The following ATP8B4 variants were observed in gnomAD, a reference collection of about 807,000 sequenced individuals.
ATP8B4 encodes ATPase phospholipid transporting 8B4 (putative), also known as probable phospholipid-transporting ATPase IM.
A neutral mutation model predicts 145.6 loss-of-function variants in ATP8B4; 133 were observed. The ratio of observed to expected loss-of-function variants is 0.91; its 90% CI spans 0.79 to 1.05. The LOEUF (loss-of-function observed/expected upper bound fraction) is 1.05, where lower values mean the gene tolerates loss of function less well. Among genes scored for constraint, ATP8B4 ranks in the 50% least tolerant of loss-of-function variants. The pLI is 0.00. For synonymous variants in ATP8B4, 507 were observed against 492.9 expected (o/e 1.03, Z -0.38); for missense variants, 1,458 against 1,425.2 (o/e 1.02, Z -0.37).
At chr15:50,159,841 A>G (rs538214504) in intron 1 of ATP8B4, among the ~76,000 whole-genome samples, 8 of 152,294 alleles carry the variant, frequency 5.3e-5, no homozygotes, top group African/African-American at 1.7e-4. Flanking sequence ...GTCATGATGA[A>G]TGATCTTTTT....
At chr15:50,104,318 C>T (rs10083646) in intron 2 of ATP8B4, among the ~76,000 whole-genome samples, 8,046 of 151,850 alleles carry the variant, frequency 0.053, 739 homozygotes, top group African/African-American at 0.19. Flanking sequence ...AAAATCTTCA[C>T]AATCTATACA....
chr15:49,981,622 A>C (rs767497119), intron 10 of ATP8B4, among the ~76,000 whole-genome samples: 1 of 152,200 alleles, frequency 6.6e-6, no homozygotes, highest in Non-Finnish European at 1.5e-5. Context: ...AAGTCAACAA[A>C]AGTGAGGAAT....
chr15:49,982,985 C>A (rs1361671414), intron 10 of ATP8B4, among the ~76,000 whole-genome samples: 1 of 152,124 alleles, frequency 6.6e-6, no homozygotes, highest in Non-Finnish European at 1.5e-5. Context: ...CTTCCTACCT[C>A]TTTGGTAGCT....
At chr15:49,885,421 A>T (rs2036069339) in intron 23 of ATP8B4, among the ~76,000 whole-genome samples, 1 of 152,196 alleles carries the variant, frequency 6.6e-6, no homozygotes, top group Non-Finnish European at 1.5e-5. Context: ...ATCTGTCTTC[A>T]TCCCACTAGA....
chr15:49,900,097 G>A (rs970540099), intron 21 of ATP8B4, among the ~76,000 whole-genome samples: 5 of 152,148 alleles, frequency 3.3e-5, no homozygotes, highest in East Asian at 3.8e-4. Flanking sequence ...GATGACAGTC[G>A]TAATTTTCAG....
intron 1 of ATP8B4, among the ~76,000 whole-genome samples, chr15:50,158,144 G>A (rs1404246863): frequency 3.9e-5 from 6 of 152,214 alleles, no homozygotes; most frequent in Non-Finnish European, 8.8e-5. Flanking sequence ...GCCTCCCAAA[G>A]TGCCGAGATT....
At chr15:50,079,137 C>T (rs2054378950) in intron 2 of ATP8B4, among the ~76,000 whole-genome samples, 1 of 152,148 alleles carries the variant, frequency 6.6e-6, no homozygotes, top group South Asian at 2.1e-4. Flanking sequence ...CCCCATTTTA[C>T]ATGACATGAT....
At chr15:50,156,041 G>A (rs1309766096) in intron 1 of ATP8B4, among the ~76,000 whole-genome samples, 1 of 125,680 alleles carries the variant, frequency 8.0e-6, no homozygotes, top group Admixed American at 8.2e-5. Context: ...TCTCCTAATA[G>A]CCCTGAATTC....
At chr15:49,889,962 G>T (rs928901013) in intron 23 of ATP8B4, among the ~76,000 whole-genome samples, 1 of 152,172 alleles carries the variant, frequency 6.6e-6, no homozygotes, top group Non-Finnish European at 1.5e-5. Flanking sequence ...GACAGGGTTG[G>T]CCCCAAGACA....
intron 1 of ATP8B4, among the ~76,000 whole-genome samples, chr15:50,142,931 G>A (rs545544062): frequency 1.3e-5 from 2 of 152,142 alleles, no homozygotes; most frequent in Non-Finnish European, 2.9e-5. Flanking sequence ...GAGAAGAAAC[G>A]AACTGTTTCA....
chr15:50,023,594 A>G (rs1397150301), intron 6 of ATP8B4, among the ~76,000 whole-genome samples: 2 of 151,946 alleles, frequency 1.3e-5, no homozygotes, highest in Non-Finnish European at 2.9e-5. Context: ...TTTCTTCTTC[A>G]TCCTTAGAAA....
chr15:49,993,627 T>A (rs2047204088), intron 9 of ATP8B4, among the ~76,000 whole-genome samples: 3 of 152,176 alleles, frequency 2.0e-5, no homozygotes, highest in Admixed American at 1.3e-4. Context: ...TTTCCCTTAA[T>A]TCGTCTATTC....
chr15:50,115,274 T>C (rs1293751948), intron 1 of ATP8B4, among the ~76,000 whole-genome samples: 1 of 152,100 alleles, frequency 6.6e-6, no homozygotes, highest in Non-Finnish European at 1.5e-5. Flanking sequence ...AGCTCAAGGC[T>C]GCAGTGAGCT....
At position 50,173,116 on chromosome 15, in the gene ATP8B4, T is replaced by TG. The variant is rs1159641223; in HGVS notation, c.-43+9144dup. Among the ~76,000 whole-genome samples the TG allele has an allele frequency of 2.5e-3, 363 of 147,622 alleles. 1 individual carries two copies. The highest frequency in any genetic ancestry group is 2.3e-3 in the Non-Finnish European group (153 of 66,840). On this transcript the variant is annotated intron_variant, in intron 1 of 3. Coordinates refer to the ATP8B4 transcript ENST00000558829. Reference sequence around the variant, plus strand: ...CCCAGCCGCCGCCCCGTCTGGGAGGTGGGGGGCGCCTCTGCCCGGCCGCCC... The same window carrying TG: ...CCCAGCCGCCGCCCCGTCTGGGAGGTGGGGGGGCGCCTCTGCCCGGCCGCCC...
chr15:50,042,593 AC>A (rs2153604095), intron 5 of ATP8B4, among the ~76,000 whole-genome samples: 1 of 152,302 alleles, frequency 6.6e-6, no homozygotes, highest in East Asian at 1.9e-4. Context: ...TATGAATTTC[AC>A]ACCATTTTTA....
At chr15:50,176,069 A>G (rs1053548730) in intron 1 of ATP8B4, among the ~76,000 whole-genome samples, 2 of 151,806 alleles carry the variant, frequency 1.3e-5, no homozygotes, top group African/African-American at 4.8e-5. Flanking sequence ...CAGAGTATAT[A>G]TATATATATA....
intron 17 of ATP8B4, among the ~76,000 whole-genome samples, chr15:49,922,011 A>G (rs2040308333): frequency 6.6e-6 from 1 of 152,256 alleles, no homozygotes; most frequent in Non-Finnish European, 1.5e-5. Context: ...GTGAATGAAC[A>G]ATAAGATGAC....
chr15:49,998,620 A>T lies in ATP8B4; in HGVS notation c.507-1861T>A, dbSNP rs1047956001. 5.9e-5 allele frequency among the ~76,000 whole-genome samples: 9 copies of T among 152,006 alleles called. No homozygotes were observed. The East Asian group carries it at 1.2e-3, about 20-fold the overall frequency. Reference sequence around the variant, plus strand: ...TTTTCTTGTAAATTTGTTTGAGTTCATTGTAGATTCTGGATATTAGCCCTT... The same window carrying T: ...TTTTCTTGTAAATTTGTTTGAGTTCTTTGTAGATTCTGGATATTAGCCCTT... On this transcript the variant is annotated intron_variant, in intron 8 of 27. Coordinates refer to ENST00000284509, the MANE Select transcript of ATP8B4 (RefSeq NM_024837.4).
At chr15:50,017,680 C>T (rs2049194644) in intron 6 of ATP8B4, among the ~76,000 whole-genome samples, 1 of 152,148 alleles carries the variant, frequency 6.6e-6, no homozygotes, top group South Asian at 2.1e-4. Context: ...TATTGGCTGC[C>T]TTACATGTCA....
Sources: allele counts gnomAD v4.1 joint callset (sites outside exome capture counted in the v4.1 genomes callset), GRCh38; gene constraint gnomAD v4.1.1; transcripts MANE v1.5; gene names NCBI Gene and HGNC (gene_info 2026-07-23, HGNC 2026-07-21).